The following GABRB1 variants were observed in gnomAD, a reference collection of about 807,000 sequenced individuals.
The protein encoded by GABRB1 is gamma-aminobutyric acid receptor subunit beta-1.
Under a neutral mutation model 51.6 loss-of-function variants are expected in GABRB1, and 17 were observed. The observed-to-expected ratio is 0.33, with a 90% CI of 0.23 to 0.49. GABRB1 has a LOEUF of 0.49. Ranked by LOEUF, GABRB1 falls within the 20% of genes least tolerant of loss-of-function variation. GABRB1 has a pLI of 0.99. For missense variants in GABRB1, 410 were observed against 600.6 expected, an observed-to-expected ratio of 0.68 and a Z score of 3.32; for synonymous variants, 247 against 218.9, an observed-to-expected ratio of 1.13 and a Z score of -1.14.
At chr4:47,363,345 C>T (rs546833243) in intron 5 of GABRB1, among the ~76,000 whole-genome samples, 1 of 152,160 alleles carries the variant, frequency 6.6e-6, no homozygotes, top group Non-Finnish European at 1.5e-5. Flanking sequence ...TACCATATAC[C>T]ATGGACCATG....
At chr4:47,252,763 G>A (rs981324254) in intron 4 of GABRB1, among the ~76,000 whole-genome samples, 12 of 151,920 alleles carry the variant, frequency 7.9e-5, no homozygotes, top group Non-Finnish European at 1.6e-4. Flanking sequence ...CCAAAGTGGA[G>A]GATCTCAGCC....
intron 4 of GABRB1, among the ~76,000 whole-genome samples, chr4:47,238,405 GCT>G (rs1471067835): frequency 6.6e-6 from 1 of 151,932 alleles, no homozygotes; most frequent in African/African-American, 2.4e-5. Flanking sequence ...CAAAAGTAAA[GCT>G]CTTTTAAATC....
chr4:47,008,852 CCTTTTTTTTTTT>C lies in GABRB1; in HGVS notation c.-20+14927_-20+14938del, dbSNP rs1282571802. Among the ~76,000 whole-genome samples, 209 of 56,486 alleles carry C rather than the reference CCTTTTTTTTTTT, an allele frequency of 3.7e-3. 39 individuals carry two copies. Among genetic ancestry groups the C allele is most frequent in the Non-Finnish European group, 4.2e-3 (139 of 33,374 alleles). 37.1% of individuals were successfully genotyped at this position (56,486 alleles called of 152,430 possible). A position where few individuals can be genotyped will look rare whatever the true frequency, so the allele number is the denominator to read the frequency against. ...CACCCTGTCACGCTATCAGATACTA[CCTTTTTTTTTTT>C]TTTTTTTTTTTTTTTTTTGAGACGA... On this transcript the variant is annotated intron_variant, in intron 1 of 3. Coordinates refer to the GABRB1 transcript ENST00000513567.
chr4:47,329,264 A>T (rs1033637683), intron 5 of GABRB1, among the ~76,000 whole-genome samples: 15 of 152,018 alleles, frequency 9.9e-5, no homozygotes, highest in African/African-American at 2.2e-4. Flanking sequence ...ACGTGCTATC[A>T]TATAGCAGAT....
intron 3 of GABRB1, among the ~76,000 whole-genome samples, chr4:47,038,980 T>C (rs1029423488): frequency 6.6e-6 from 1 of 152,136 alleles, no homozygotes; most frequent in Non-Finnish European, 1.5e-5. Context: ...TTTCAGTAGA[T>C]CAAGCATTTC....
chr4:47,250,057 A>G (rs1014763131), intron 4 of GABRB1, among the ~76,000 whole-genome samples: 1 of 152,076 alleles, frequency 6.6e-6, no homozygotes, highest in Non-Finnish European at 1.5e-5. Flanking sequence ...TGTGTGATTT[A>G]TGCTTTAAAG....
chr4:47,191,825 A>G (rs1257549188), intron 4 of GABRB1, among the ~76,000 whole-genome samples: 1 of 152,148 alleles, frequency 6.6e-6, no homozygotes, highest in Admixed American at 6.6e-5. Flanking sequence ...AACTGAAAAT[A>G]CAACAGATGA....
At chr4:47,296,117 A>G (rs561479532) in intron 4 of GABRB1, among the ~76,000 whole-genome samples, 24 of 152,324 alleles carry the variant, frequency 1.6e-4, no homozygotes, top group African/African-American at 5.8e-4. Flanking sequence ...AGCACTAAAC[A>G]TGGAAAGGAA....
chr4:47,340,253 T>C (rs944653262), intron 5 of GABRB1, among the ~76,000 whole-genome samples: 2 of 152,114 alleles, frequency 1.3e-5, no homozygotes, highest in Admixed American at 6.6e-5. Context: ...GGGAAGCTCC[T>C]ACCAACTATC....
At chr4:47,374,916 T>G (rs1402029406) in intron 5 of GABRB1, among the ~76,000 whole-genome samples, 2 of 152,222 alleles carry the variant, frequency 1.3e-5, no homozygotes, top group Non-Finnish European at 2.9e-5. Context: ...TTAGACACTA[T>G]TCTGATATCC....
At chr4:47,128,893 G>A (rs1716284294) in intron 3 of GABRB1, among the ~76,000 whole-genome samples, 1 of 151,998 alleles carries the variant, frequency 6.6e-6, no homozygotes, top group South Asian at 2.1e-4. Context: ...ACTTAAATAG[G>A]TAAATCCCTT....
At chr4:47,201,062 T>C (rs1309900788) in intron 4 of GABRB1, among the ~76,000 whole-genome samples, 1 of 152,270 alleles carries the variant, frequency 6.6e-6, no homozygotes, top group East Asian at 1.9e-4. Context: ...TATACATCCA[T>C]GCTTCATAAA....
intron 4 of GABRB1, among the ~76,000 whole-genome samples, chr4:47,210,405 G>A (rs960406976): frequency 3.3e-5 from 5 of 152,166 alleles, no homozygotes; most frequent in African/African-American, 9.6e-5. Flanking sequence ...TTTAGGCAGC[G>A]GAAGGGAAGT....
At chr4:47,033,407 G>A (rs1227624685) in intron 3 of GABRB1, among the ~76,000 whole-genome samples, 2 of 152,132 alleles carry the variant, frequency 1.3e-5, no homozygotes, top group Non-Finnish European at 2.9e-5. Flanking sequence ...TCTAACTGTT[G>A]CTTCTCGTAA....
intron 5 of GABRB1, among the ~76,000 whole-genome samples, chr4:47,337,981 G>T (rs1051708313): frequency 6.6e-6 from 1 of 152,042 alleles, no homozygotes; most frequent in African/African-American, 2.4e-5. Flanking sequence ...ATTCTGAGCG[G>T]CTTCAACTTC....
chr4:47,182,601 T>C (rs1396151716), intron 4 of GABRB1, among the ~76,000 whole-genome samples: 1 of 152,046 alleles, frequency 6.6e-6, no homozygotes, highest in Non-Finnish European at 1.5e-5. Flanking sequence ...CTCAGAGTTT[T>C]TCTGTTACCC....
chr4:47,320,266 T>C, intron 5 of GABRB1, 57 bp downstream of exon 5: 1 of 1,105,528 alleles, frequency 9.0e-7, no homozygotes, highest in Non-Finnish European at 1.4e-6. Flanking sequence ...CCCAGTTGAA[T>C]TCAACTTCTC....
chr4:47,253,264 G>C (rs1202026666), intron 4 of GABRB1, among the ~76,000 whole-genome samples: 3 of 152,216 alleles, frequency 2.0e-5, no homozygotes. Context: ...AAAAGGAAGA[G>C]AGGTTGTTAG....
chr4:47,171,882 A>G (rs1442645964), intron 4 of GABRB1, among the ~76,000 whole-genome samples: 1 of 152,142 alleles, frequency 6.6e-6, no homozygotes, highest in Admixed American at 6.6e-5. Context: ...AATCAATAGT[A>G]TGTATCCCAG....
Sources: gnomAD v4.1 joint callset for allele counts (sites outside exome capture counted in the v4.1 genomes callset) on GRCh38, gnomAD v4.1.1 for gene constraint, MANE v1.5 for transcripts, NCBI Gene and HGNC (gene_info 2026-07-23, HGNC 2026-07-21) for gene names.